The following CAST variants were observed in gnomAD, a reference collection of about 807,000 sequenced individuals.
CAST encodes MIR583 host.
In CAST, 76 loss-of-function variants were observed where a neutral mutation model predicts 119.6. That is an observed-to-expected ratio of 0.64 (90% CI 0.53 to 0.77). The LOEUF (loss-of-function observed/expected upper bound fraction) is 0.77, where lower values mean the gene tolerates loss of function less well. CAST is among the 30% of genes least tolerant of loss of function. CAST has a pLI of 0.00. For missense variants in CAST, 953 were observed against 946.5 expected (o/e 1.01, Z -0.09); for synonymous variants, 319 against 331.6 (o/e 0.96, Z 0.41).
intron 1 of CAST, among the ~76,000 whole-genome samples, chr5:96,592,428 A>T (rs1746978825): frequency 6.6e-6 from 1 of 152,204 alleles, no homozygotes; most frequent in African/African-American, 2.4e-5. Flanking sequence ...ACCCAGCTAT[A>T]GCAATTGTCA....
chr5:96,371,537 C>T, the CAST span, among the ~76,000 whole-genome samples: 17 of 152,314 alleles, frequency 1.1e-4, no homozygotes, highest in African/African-American at 3.1e-4. Flanking sequence ...GTATTTTGAA[C>T]GCTCAAGGTG....
the CAST span, among the ~76,000 whole-genome samples, chr5:96,451,541 T>A: frequency 5.0e-4 from 76 of 152,288 alleles, 1 homozygote; most frequent in African/African-American, 1.8e-3. Context: ...ATAAAAACCC[T>A]AGAAGAAATC....
chr5:96,628,126 T>C (rs1233701541), intron 1 of CAST, among the ~76,000 whole-genome samples: 1 of 152,248 alleles, frequency 6.6e-6, no homozygotes, highest in African/African-American at 2.4e-5. Context: ...GAAGAAAAAC[T>C]TTACTTAATC....
chr5:96,411,225 G>A, the CAST span, among the ~76,000 whole-genome samples: 6 of 152,314 alleles, frequency 3.9e-5, no homozygotes, highest in African/African-American at 1.2e-4. Flanking sequence ...CTGAGCACAC[G>A]CTTTTCTTTC....
At chr5:96,671,186 C>T (rs1750020468) in intron 1 of CAST, among the ~76,000 whole-genome samples, 1 of 152,068 alleles carries the variant, frequency 6.6e-6, no homozygotes, top group African/African-American at 2.4e-5. Flanking sequence ...GCACATACCA[C>T]CTTCATCTTA....
intron 3 of CAST, among the ~76,000 whole-genome samples, chr5:96,721,060 G>A (rs1758153291): frequency 6.6e-6 from 1 of 152,158 alleles, no homozygotes; most frequent in Admixed American, 6.5e-5. Flanking sequence ...GAAAAATATG[G>A]ATATTCATAT....
intron 2 of CAST, among the ~76,000 whole-genome samples, chr5:96,687,236 G>C (rs766568237): frequency 1.4e-4 from 21 of 152,272 alleles, no homozygotes; most frequent in Non-Finnish European, 2.5e-4. Flanking sequence ...GGAGGATTCT[G>C]ACTAAAGTAG....
chr5:96,077,504 G>A, the CAST span, among the ~76,000 whole-genome samples: 1 of 152,094 alleles, frequency 6.6e-6, no homozygotes, highest in African/African-American at 2.4e-5. Flanking sequence ...GTATCGTCTG[G>A]ATATTTGATC....
the CAST span, among the ~76,000 whole-genome samples, chr5:96,034,462 T>TACACACACACACAC: frequency 0.085 from 8,624 of 101,606 alleles, 701 homozygotes; most frequent in Non-Finnish European, 0.11. Context: ...GTATATATCA[T>TACACACACACACAC]ACACACACAC....
At chr5:96,464,464 TA>T in the CAST span, among the ~76,000 whole-genome samples, 2 of 152,020 alleles carry the variant, frequency 1.3e-5, no homozygotes, top group Non-Finnish European at 2.9e-5. Flanking sequence ...GGGTTTTACA[TA>T]GTTCATTCTT....
the CAST span, among the ~76,000 whole-genome samples, chr5:95,985,351 A>G: frequency 2.6e-5 from 4 of 152,192 alleles, no homozygotes; most frequent in African/African-American, 9.7e-5. Context: ...AAAATTACCT[A>G]TGTGGCTTAT....
chr5:96,071,439 T>C, the CAST span, among the ~76,000 whole-genome samples: 2 of 152,234 alleles, frequency 1.3e-5, no homozygotes, highest in Admixed American at 1.3e-4. Flanking sequence ...TGAACCAGTT[T>C]CTCTGCTTCC....
chr5:96,279,158 G>T, the CAST span, among the ~76,000 whole-genome samples: 15 of 152,162 alleles, frequency 9.9e-5, no homozygotes, highest in Non-Finnish European at 8.8e-5. Flanking sequence ...GATCTCTGCA[G>T]GAATGGAAGA....
intron 16 of CAST, among the ~76,000 whole-genome samples, chr5:96,743,018 G>C (rs972642948): frequency 3.9e-5 from 6 of 152,182 alleles, no homozygotes; most frequent in African/African-American, 1.2e-4. Context: ...ACTAAACAAG[G>C]TAACAAGGAG....
the CAST span, among the ~76,000 whole-genome samples, chr5:96,022,343 G>A: frequency 5.9e-5 from 9 of 152,290 alleles, no homozygotes; most frequent in African/African-American, 2.2e-4. Context: ...TCATAAACAT[G>A]TGTCAAAAAT....
chr5:96,653,407 G>C (rs955367204), intron 1 of CAST, among the ~76,000 whole-genome samples: 1 of 152,218 alleles, frequency 6.6e-6, no homozygotes, highest in Non-Finnish European at 1.5e-5. Context: ...TTGAGTTGTT[G>C]CTCCAGAAAG....
the CAST span, among the ~76,000 whole-genome samples, chr5:96,418,374 C>G: frequency 1.3e-5 from 2 of 152,122 alleles, no homozygotes; most frequent in African/African-American, 4.8e-5. Context: ...TAAATACTAC[C>G]CTTATTCTGG....
chr5:96,597,647 T>C (rs1747075839), intron 1 of CAST, among the ~76,000 whole-genome samples: 1 of 152,208 alleles, frequency 6.6e-6, no homozygotes, highest in Non-Finnish European at 1.5e-5. Flanking sequence ...TGATGAACTT[T>C]CCATTGAGTG....
chr5:96,064,878 G>A, the CAST span, among the ~76,000 whole-genome samples: 4 of 152,194 alleles, frequency 2.6e-5, no homozygotes, highest in East Asian at 1.9e-4. Flanking sequence ...TGCTATGTGC[G>A]TTAGTTAAAC....
Sources: gnomAD v4.1 joint callset for allele counts (sites outside exome capture counted in the v4.1 genomes callset) on GRCh38, gnomAD v4.1.1 for gene constraint, MANE v1.5 for transcripts, NCBI Gene and HGNC (gene_info 2026-07-23, HGNC 2026-07-21) for gene names.